Variants in CTNNA2 observed in about 807,000 individuals in gnomAD.
CTNNA2 encodes catenin alpha-2.
CTNNA2 carries 42 observed loss-of-function variants against 101.0 expected under a neutral mutation model. The observed-to-expected ratio is 0.42, with a 90% CI of 0.32 to 0.54. The LOEUF (loss-of-function observed/expected upper bound fraction) is 0.54. Among genes scored for constraint, CTNNA2 ranks in the 20% least tolerant of loss-of-function variants. The pLI is 0.14. For synonymous variants in CTNNA2, 450 were observed against 456.4 expected, an observed-to-expected ratio of 0.99 and a Z score of 0.18; for missense variants, 871 against 1,223.1, an observed-to-expected ratio of 0.71 and a Z score of 4.29.
chr2:79,783,809 G>A (rs72912772), intron 3 of CTNNA2, among the ~76,000 whole-genome samples: 5,633 of 152,094 alleles, frequency 0.037, 278 homozygotes, highest in East Asian at 0.17. Flanking sequence ...TTGTAAAGAG[G>A]GTTTCTTAAC....
At chr2:79,232,223 T>C (rs1674501992) in intron 2 of CTNNA2, among the ~76,000 whole-genome samples, 1 of 152,158 alleles carries the variant, frequency 6.6e-6, no homozygotes, top group Non-Finnish European at 1.5e-5. Flanking sequence ...TATTTTGAGG[T>C]ATGTTTCTTC....
chr2:79,383,615 A>C (rs917619091), intron 4 of CTNNA2, among the ~76,000 whole-genome samples: 2 of 152,194 alleles, frequency 1.3e-5, no homozygotes, highest in African/African-American at 4.8e-5. Flanking sequence ...CAGATGTTAA[A>C]AAACCCATTC....
chr2:80,058,262 G>GC (rs1697357847), intron 7 of CTNNA2, among the ~76,000 whole-genome samples: 1 of 152,172 alleles, frequency 6.6e-6, no homozygotes, highest in African/African-American at 2.4e-5. Context: ...TACTGGTCTT[G>GC]CAATACCCAT....
At chr2:79,349,833 A>G (rs2104437391) in intron 3 of CTNNA2, among the ~76,000 whole-genome samples, 1 of 152,274 alleles carries the variant, frequency 6.6e-6, no homozygotes, top group Middle Eastern at 3.4e-3. Context: ...TAGTCTGCAT[A>G]TTGCTTTTAC....
intron 15 of CTNNA2, among the ~76,000 whole-genome samples, chr2:80,597,519 G>C (rs945040967): frequency 5.9e-5 from 9 of 151,990 alleles, no homozygotes; most frequent in African/African-American, 2.2e-4. Context: ...AAAGAAACTA[G>C]CATCAGAGTG....
intron 9 of CTNNA2, among the ~76,000 whole-genome samples, chr2:80,496,790 A>C (rs1687511516): frequency 6.6e-6 from 1 of 152,212 alleles, no homozygotes; most frequent in Non-Finnish European, 1.5e-5. Flanking sequence ...TAATCGTTGC[A>C]TTCATAAGGA....
At chr2:79,424,105 A>G (rs1055693040) in intron 4 of CTNNA2, among the ~76,000 whole-genome samples, 1 of 152,150 alleles carries the variant, frequency 6.6e-6, no homozygotes, top group African/African-American at 2.4e-5. Context: ...AGAGGAAGCC[A>G]ATGCTAGATC....
intron 11 of CTNNA2, among the ~76,000 whole-genome samples, chr2:80,550,854 T>C (rs553696443): frequency 6.6e-6 from 1 of 152,352 alleles, no homozygotes; most frequent in African/African-American, 2.4e-5. Context: ...AATGTTGATA[T>C]TTTGACTTTC....
At chr2:79,353,761 T>A (rs1369199830) in intron 3 of CTNNA2, among the ~76,000 whole-genome samples, 5 of 152,296 alleles carry the variant, frequency 3.3e-5, no homozygotes, top group African/African-American at 1.2e-4. Context: ...CTATATTGTG[T>A]CTGTGAGCTA....
chr2:80,062,752 C>T (rs1051722843), intron 7 of CTNNA2, among the ~76,000 whole-genome samples: 1 of 141,562 alleles, frequency 7.1e-6, no homozygotes, highest in African/African-American at 2.7e-5. Flanking sequence ...GTCGCCCAGG[C>T]TGGAGTGCAG....
At chr2:79,405,142 G>A (rs1002311392) in intron 4 of CTNNA2, among the ~76,000 whole-genome samples, 2 of 151,870 alleles carry the variant, frequency 1.3e-5, no homozygotes, top group African/African-American at 4.8e-5. Context: ...AATCAGTTGA[G>A]CCCTTTAAAA....
At chr2:79,840,996 C>T (rs1215142081) in intron 3 of CTNNA2, among the ~76,000 whole-genome samples, 1 of 152,110 alleles carries the variant, frequency 6.6e-6, no homozygotes, top group South Asian at 2.1e-4. Flanking sequence ...GTCTTGATCT[C>T]CTGACCTCGT....
chr2:79,523,137 T>C (rs774613364), intron 1 of CTNNA2: 5 of 331,982 alleles, frequency 1.5e-5, no homozygotes, highest in Non-Finnish European at 2.4e-5. Context: ...AAATTCTTCC[T>C]CTACATTAGT....
At chr2:79,279,342 G>A (rs147190008) in intron 2 of CTNNA2, among the ~76,000 whole-genome samples, 2 of 152,206 alleles carry the variant, frequency 1.3e-5, no homozygotes, top group East Asian at 3.9e-4. Context: ...GGAAGTGAAT[G>A]AGGGGAGGAA....
At chr2:80,044,792 T>C (rs1362287337) in intron 7 of CTNNA2, among the ~76,000 whole-genome samples, 1 of 152,168 alleles carries the variant, frequency 6.6e-6, no homozygotes, top group Admixed American at 6.5e-5. Context: ...ATATAAAAAA[T>C]TTATTCTACA....
At chr2:79,552,881 C>T (rs1226052328) in intron 1 of CTNNA2, among the ~76,000 whole-genome samples, 1 of 152,216 alleles carries the variant, frequency 6.6e-6, no homozygotes, top group Non-Finnish European at 1.5e-5. Flanking sequence ...GCCTCCAGGC[C>T]TGTAATGGGA....
chr2:79,515,543 G>A (rs1671762770), intron 1 of CTNNA2, among the ~76,000 whole-genome samples: 1 of 152,238 alleles, frequency 6.6e-6, no homozygotes, highest in Non-Finnish European at 1.5e-5. Flanking sequence ...AGAAACACAG[G>A]TACTTTTCAC....
At chr2:80,344,851 A>G (rs1450571202) in intron 7 of CTNNA2, among the ~76,000 whole-genome samples, 2 of 152,042 alleles carry the variant, frequency 1.3e-5, no homozygotes, top group Non-Finnish European at 2.9e-5. Flanking sequence ...AGTCAACTCT[A>G]TCGTCCTAGT....
chr2:79,900,776 A>T (rs560825917), intron 6 of CTNNA2, among the ~76,000 whole-genome samples: 4 of 152,136 alleles, frequency 2.6e-5, no homozygotes, highest in Non-Finnish European at 5.9e-5. Context: ...TTCATAATAC[A>T]TTTAAAAATA....
Sources: allele counts gnomAD v4.1 joint callset (sites outside exome capture counted in the v4.1 genomes callset), GRCh38; gene constraint gnomAD v4.1.1; transcripts MANE v1.5; gene names NCBI Gene and HGNC (gene_info 2026-07-23, HGNC 2026-07-21).